Variants in KDM5B observed in about 807,000 individuals in gnomAD.
KDM5B encodes lysine demethylase 5B.
Under a neutral mutation model 193.4 loss-of-function variants are expected in KDM5B, and 144 were observed. That is an observed-to-expected ratio of 0.74 (90% CI 0.65 to 0.86). The LOEUF (loss-of-function observed/expected upper bound fraction) is 0.86. Ranked by LOEUF, KDM5B falls within the 40% of genes least tolerant of loss-of-function variation. The pLI is 0.00. For synonymous variants in KDM5B, 668 were observed against 682.6 expected, an observed-to-expected ratio of 0.98 and a Z score of 0.33; for missense variants, 1,833 against 1,886.9, an observed-to-expected ratio of 0.97 and a Z score of 0.53.
chr1:202,756,307 C>G lies in KDM5B; in HGVS notation c.1356+51G>C, dbSNP rs748807210. The G allele has an allele frequency of 4.1e-6, 6 of 1,462,720 alleles. No individual in the cohort carries two copies. The Admixed American group carries it at 1.3e-4, about 32-fold the overall frequency. 90.6% of individuals were successfully genotyped at this position (1,462,720 alleles called of 1,614,324 possible). On this transcript the variant is annotated intron_variant, in intron 10 of 26. Coordinates refer to ENST00000367265, the MANE Select transcript of KDM5B (RefSeq NM_006618.5). ...TAATCATAAGTTACTTCAAGCCAAC[C>G]AAACAGAATTTCAATAAATACCTCA...
rs1387256056 is a variant in KDM5B, at chr1:202,725,452, A to C, written c.*3584T>G. ...TGAAGCCTCCCAAAAGAAAGCTGAG[A>C]AGCTTAAAATAGCCACATGCAAAGG... On this transcript the variant is annotated 3_prime_UTR_variant, in exon 27 of 27. Transcript: ENST00000367265. The C allele has an allele frequency of 3.3e-5, 5 of 152,256 alleles. No homozygotes were observed. Among genetic ancestry groups the C allele is most frequent in the South Asian group, 2.1e-4 (1 of 4,836 alleles). The allele number at this position is 152,256 out of a possible 1,614,324, so 9.4% of individuals were successfully genotyped here.
At chr1:202,795,012 A>T (rs1297992090) in intron 1 of KDM5B, among the ~76,000 whole-genome samples, 1 of 152,090 alleles carries the variant, frequency 6.6e-6, no homozygotes, top group Admixed American at 6.6e-5. Flanking sequence ...CAGGAGTTCA[A>T]GACCAGCCTG....
chr1:202,735,321 C>T (rs986897015), intron 22 of KDM5B, 108 bp downstream of exon 22: 17 of 1,179,742 alleles, frequency 1.4e-5, no homozygotes, highest in East Asian at 1.4e-4. Context: ...TAAAACTGAA[C>T]GCTTTCAAGT....
At chr1:202,740,147 C>T (rs1304777345) in intron 20 of KDM5B, among the ~76,000 whole-genome samples, 3 of 146,930 alleles carry the variant, frequency 2.0e-5, no homozygotes, top group African/African-American at 5.1e-5. Flanking sequence ...GCTGGCCGGG[C>T]AGAGGGGCTC....
intron 4 of KDM5B, chr1:202,767,409 C>G: frequency 1.4e-6 from 2 of 1,417,646 alleles, no homozygotes; most frequent in Non-Finnish European, 2.0e-6. Context: ...TCCGGATGCT[C>G]TAGCCCAACA....
chr1:202,753,459 C>A (rs574242681), intron 11 of KDM5B, among the ~76,000 whole-genome samples: 14 of 152,210 alleles, frequency 9.2e-5, no homozygotes, highest in African/African-American at 3.4e-4. Flanking sequence ...CACACCATTG[C>A]ATTCCTGCCT....
At position 202,724,857 on chromosome 1, in the gene KDM5B, A is replaced by G. The variant is rs950507452; in HGVS notation, c.*4179T>C. The stretch of plus-strand genomic sequence containing the variant: ...ACTCTTCTCCAACTTCTAGCTAGGT[A>G]AGTTTGCCAGGAGCTAAAAGTTTTG... On this transcript the variant is annotated 3_prime_UTR_variant, in exon 27 of 27. Coordinates refer to ENST00000367265, the MANE Select transcript of KDM5B (RefSeq NM_006618.5). 6 of 152,196 alleles carry G rather than the reference A, an allele frequency of 3.9e-5. No homozygotes were observed. The highest frequency in any genetic ancestry group is 5.9e-5 in the Non-Finnish European group (4 of 68,050). The allele number at this position is 152,196 out of a possible 1,614,324, so 9.4% of individuals were successfully genotyped here.
intron 10 of KDM5B, 76 bp downstream of exon 10, chr1:202,756,282 T>A: frequency 8.2e-7 from 1 of 1,224,422 alleles, no homozygotes; most frequent in South Asian, 1.6e-5. Context: ...TTGCTAAAAG[T>A]AATCATAAGT....
chr1:202,792,802 T>A (rs1199204363), intron 1 of KDM5B, among the ~76,000 whole-genome samples: 2 of 152,072 alleles, frequency 1.3e-5, no homozygotes, highest in Non-Finnish European at 2.9e-5. Flanking sequence ...GAGACCAGCC[T>A]GGCCAACATG....
In KDM5B at chr1:202,756,490, T is replaced by G; in HGVS notation, c.1224A>C (p.Lys408Asn). 1 of 1,608,002 alleles carries G rather than the reference T, an allele frequency of 6.2e-7. No homozygotes were observed. Among genetic ancestry groups the G allele is most frequent in the Non-Finnish European group, 8.5e-7 (1 of 1,177,532 alleles). The change falls in exon 10 of 27, where the codon AAA becomes AAC. Residue 408 changes from lysine to asparagine, a missense_variant. Transcript: ENST00000367265. ...TAGTGCTTACTAGTCTCCAAAATTCTTTCTCAACAAGCTCTGTGGGGACCA... is the reference window on the plus strand; with the variant it reads ...TAGTGCTTACTAGTCTCCAAAATTCGTTCTCAACAAGCTCTGTGGGGACCA... Reference protein sequence around the residue: ...VHMVPTELVEKEFWRLVSTIE... With the variant: ...VHMVPTELVENEFWRLVSTIE...
intron 1 of KDM5B, among the ~76,000 whole-genome samples, chr1:202,780,542 A>G (rs1237608023): frequency 6.6e-6 from 1 of 152,112 alleles, no homozygotes; most frequent in Non-Finnish European, 1.5e-5. Flanking sequence ...ACCACTCACA[A>G]CACCTCAATA....
chr1:202,736,338 G>T lies in KDM5B; in HGVS notation c.3139C>A (p.Arg1047=). 2 of 1,611,462 alleles carry T rather than the reference G, an allele frequency of 1.2e-6. No individual in the cohort carries two copies. Among genetic ancestry groups the T allele is most frequent in the South Asian group, 1.1e-5 (1 of 90,864 alleles). Residue 1047 remains arginine, a synonymous_variant, in exon 21 of 27, where the codon CGA becomes AGA. Transcript: ENST00000367265. The stretch of plus-strand genomic sequence containing the variant: ...GAATTCAGATGTACGGGGATAGATC[G>T]GCCTCGTGTAACAAGTTCTATGAGT... ...DTLIELVTRG[R]SIPVHLNSLP...
chr1:202,724,661 A>G lies in KDM5B; in HGVS notation c.*4375T>C, dbSNP rs1654615985. The stretch of plus-strand genomic sequence containing the variant: ...CATATTTATGATTTAGGTTAAATAT[A>G]TCTTTCTCATCCAATAATTTAACTT... On this transcript the variant is annotated 3_prime_UTR_variant, in exon 27 of 27. Coordinates refer to ENST00000367265, the MANE Select transcript of KDM5B (RefSeq NM_006618.5). 6.6e-6 allele frequency: 1 copy of G among 152,236 alleles called. No individual in the cohort carries two copies. Among genetic ancestry groups the G allele is most frequent in the African/African-American group, 2.4e-5 (1 of 41,464 alleles). 9.4% of individuals were successfully genotyped at this position (152,236 alleles called of 1,614,324 possible). A position where few individuals can be genotyped will look rare whatever the true frequency, so the allele number is the denominator to read the frequency against.
rs1472634548 is a variant in KDM5B, at chr1:202,735,592, T to C, written c.3265-5A>G. On this transcript the variant is annotated splice_polypyrimidine_tract_variant and splice_region_variant and intron_variant, in intron 21 of 26. Transcript: ENST00000367265. ...ATCACATCGAGGACACAGCACCTAA[T>C]GTGGGACAAGGCACAACCAATGGTA... is the stretch of plus-strand genomic sequence containing the variant. The C allele has an allele frequency of 1.9e-6, 3 of 1,613,144 alleles. No homozygotes were observed. Among genetic ancestry groups the C allele is most frequent in the African/African-American group, 1.3e-5 (1 of 74,868 alleles).
intron 22 of KDM5B, 72 bp downstream of exon 22, chr1:202,735,357 C>G (rs1655051035): frequency 1.3e-6 from 2 of 1,493,768 alleles, no homozygotes; most frequent in African/African-American, 2.8e-5. Context: ...CTCCAAATTC[C>G]TATAAAACAG....
At position 202,783,821 on chromosome 1, in the gene KDM5B, CAGTGAG is replaced by C. The variant is rs1470423232; in HGVS notation, c.205-6733_205-6728del. Among the ~76,000 whole-genome samples, 3 of 151,950 alleles carry C rather than the reference CAGTGAG, an allele frequency of 2.0e-5. No individual in the cohort carries two copies. The East Asian group carries it at 5.8e-4, about 29-fold the overall frequency. On this transcript the variant is annotated intron_variant, in intron 1 of 26. Transcript: ENST00000367265. ...GTGTGAACCCGGGAGGCGGAGCTTG[CAGTGAG>C]CCAAGATCACACCACTGCACTCCAG...
intron 14 of KDM5B, among the ~76,000 whole-genome samples, chr1:202,747,428 G>A (rs1655601923): frequency 6.6e-6 from 1 of 151,990 alleles, no homozygotes; most frequent in African/African-American, 2.4e-5. Flanking sequence ...TAAGACTTTG[G>A]TAAGTTACTT....
chr1:202,804,270 G>A (rs1265824624), intron 1 of KDM5B, among the ~76,000 whole-genome samples: 1 of 151,722 alleles, frequency 6.6e-6, no homozygotes, highest in Non-Finnish European at 1.5e-5. Flanking sequence ...TTTTTAAGTA[G>A]TTATAAGTTC....
Position 202,759,235 on chromosome 1 carries a change from T to C in KDM5B, c.1078-725A>G, listed in dbSNP as rs149986705. Among the ~76,000 whole-genome samples the C allele has an allele frequency of 8.5e-5, 13 of 152,268 alleles. No homozygotes were observed. In the East Asian group the frequency reaches 2.3e-3, roughly 27 times the overall value. ...GGGTAATAGACTGACTGCTACATAA[T>C]ATTAATGCAAAATAATCCTAATGGC... On this transcript the variant is annotated intron_variant, in intron 8 of 26. Coordinates refer to ENST00000367265, the MANE Select transcript of KDM5B (RefSeq NM_006618.5).
Sources: gnomAD v4.1 joint callset for allele counts (sites outside exome capture counted in the v4.1 genomes callset) on GRCh38, gnomAD v4.1.1 for gene constraint, MANE v1.5 for transcripts, NCBI Gene and HGNC (gene_info 2026-07-23, HGNC 2026-07-21) for gene names.